The following NALF1 variants were observed in gnomAD, a reference collection of about 807,000 sequenced individuals.
The protein encoded by NALF1 is family with sequence similarity 155 member A.
A neutral mutation model predicts 48.4 loss-of-function variants in NALF1; 3 were observed. That is an observed-to-expected ratio of 0.06 (90% CI 0.03 to 0.16). The LOEUF (loss-of-function observed/expected upper bound fraction) is 0.16, where lower values mean the gene tolerates loss of function less well. Among genes scored for constraint, NALF1 ranks in the 10% least tolerant of loss-of-function variants. NALF1 has a pLI of 1.00. For synonymous variants in NALF1, 262 were observed against 245.7 expected, an observed-to-expected ratio of 1.07 and a Z score of -0.62; for missense variants, 526 against 571.5, an observed-to-expected ratio of 0.92 and a Z score of 0.81.
At chr13:107,567,954 A>G (rs1482260492) in intron 1 of NALF1, among the ~76,000 whole-genome samples, 1 of 151,968 alleles carries the variant, frequency 6.6e-6, no homozygotes, top group African/African-American at 2.4e-5. Flanking sequence ...TTGTATACCA[A>G]TGTTTTGTTC....
At chr13:107,842,530 T>C (rs1341606121) in intron 1 of NALF1, among the ~76,000 whole-genome samples, 1 of 147,084 alleles carries the variant, frequency 6.8e-6, no homozygotes, top group Non-Finnish European at 1.5e-5. Flanking sequence ...ATCTTTAGAG[T>C]TTTTTTTTTA....
rs564148932 is a variant in NALF1, at chr13:107,269,812, C to CT, written c.916-59058dup. 4.4e-3 allele frequency among the ~76,000 whole-genome samples: 568 copies of CT among 129,872 alleles called. 2 individuals are homozygous for CT. The highest frequency in any genetic ancestry group is 0.013 in the African/African-American group (447 of 35,170). 85.2% of individuals were successfully genotyped at this position (129,872 alleles called of 152,430 possible). A position where few individuals can be genotyped will look rare whatever the true frequency, so the allele number is the denominator to read the frequency against. On this transcript the variant is annotated intron_variant, in intron 1 of 2. Coordinates refer to ENST00000375915, the MANE Select transcript of NALF1 (RefSeq NM_001080396.3). Reference sequence around the variant, plus strand: ...TATTATATAAGGAAGAAATATGTTTCTTTTTTTTTTTTGCAAGCTCCGCCT... The same window carrying CT: ...TATTATATAAGGAAGAAATATGTTTCTTTTTTTTTTTTTGCAAGCTCCGCCT...
chr13:107,376,353 C>T (rs891889965), intron 1 of NALF1, among the ~76,000 whole-genome samples: 2 of 152,192 alleles, frequency 1.3e-5, no homozygotes, highest in African/African-American at 4.8e-5. Context: ...GAAGAATTTA[C>T]ACGTTTCCTC....
intron 1 of NALF1, among the ~76,000 whole-genome samples, chr13:107,834,362 A>G (rs570825179): frequency 2.0e-5 from 3 of 152,302 alleles, no homozygotes; most frequent in Non-Finnish European, 4.4e-5. Flanking sequence ...ATTACATTTG[A>G]GCCAGAGAGC....
intron 1 of NALF1, among the ~76,000 whole-genome samples, chr13:107,604,268 G>C (rs1430352471): frequency 2.0e-5 from 3 of 152,048 alleles, no homozygotes; most frequent in Non-Finnish European, 4.4e-5. Context: ...AGGGCTTAGG[G>C]GCTACATTTA....
intron 1 of NALF1, among the ~76,000 whole-genome samples, chr13:107,781,227 C>CA (rs1388135849): frequency 2.6e-5 from 4 of 151,852 alleles, no homozygotes; most frequent in South Asian, 4.2e-4. Context: ...GATGCCTCTG[C>CA]AAAAAAAGAA....
intron 1 of NALF1, among the ~76,000 whole-genome samples, chr13:107,548,761 C>T (rs1165574361): frequency 2.0e-5 from 3 of 152,070 alleles, no homozygotes; most frequent in Non-Finnish European, 4.4e-5. Context: ...TCCTTCTTGA[C>T]TATCTACTTG....
At chr13:107,215,543 C>A (rs1769699446) in intron 1 of NALF1, among the ~76,000 whole-genome samples, 1 of 152,226 alleles carries the variant, frequency 6.6e-6, no homozygotes, top group Non-Finnish European at 1.5e-5. Context: ...AACGGCACAG[C>A]CTCCGGAGAC....
At chr13:107,406,276 A>G (rs1248177824) in intron 1 of NALF1, among the ~76,000 whole-genome samples, 1 of 152,086 alleles carries the variant, frequency 6.6e-6, no homozygotes. Flanking sequence ...AAACTTTCCA[A>G]TCAAAAGACA....
chr13:107,552,845 T>G (rs1877336522), intron 1 of NALF1, among the ~76,000 whole-genome samples: 1 of 152,198 alleles, frequency 6.6e-6, no homozygotes, highest in Admixed American at 6.5e-5. Flanking sequence ...GTAAAAGATG[T>G]GTGCTTTACC....
chr13:107,224,564 G>A (rs1393416449), intron 1 of NALF1, among the ~76,000 whole-genome samples: 4 of 151,786 alleles, frequency 2.6e-5, no homozygotes, highest in East Asian at 1.9e-4. Context: ...TTTTATGTCC[G>A]TAGCAATGTC....
intron 1 of NALF1, among the ~76,000 whole-genome samples, chr13:107,368,319 A>AGT (rs1251714516): frequency 3.1e-5 from 3 of 96,506 alleles, no homozygotes; most frequent in Non-Finnish European, 4.7e-5. Context: ...TCACATAAAT[A>AGT]CTTTTTTTTT....
intron 1 of NALF1, among the ~76,000 whole-genome samples, chr13:107,255,169 T>G (rs1209706238): frequency 2.6e-5 from 4 of 152,138 alleles, no homozygotes; most frequent in Non-Finnish European, 4.4e-5. Context: ...GATAGACAGC[T>G]CTCTCATGGG....
intron 1 of NALF1, among the ~76,000 whole-genome samples, chr13:107,263,399 T>G (rs1169026291): frequency 1.3e-5 from 2 of 152,136 alleles, no homozygotes; most frequent in African/African-American, 2.4e-5. Context: ...TGACCACATA[T>G]TTTTATGGCC....
intron 1 of NALF1, among the ~76,000 whole-genome samples, chr13:107,308,631 T>G (rs1290793663): frequency 6.6e-6 from 1 of 152,192 alleles, no homozygotes; most frequent in Non-Finnish European, 1.5e-5. Flanking sequence ...TCTATGTTTC[T>G]AAAAATTAAT....
At chr13:107,296,960 T>G (rs1881738580) in intron 1 of NALF1, among the ~76,000 whole-genome samples, 1 of 152,010 alleles carries the variant, frequency 6.6e-6, no homozygotes, top group Non-Finnish European at 1.5e-5. Context: ...AGAAAAAAAT[T>G]TGAAAATTAA....
At chr13:107,724,536 A>ATCCC (rs1374304775) in intron 1 of NALF1, among the ~76,000 whole-genome samples, 20 of 151,632 alleles carry the variant, frequency 1.3e-4, no homozygotes, top group African/African-American at 2.4e-4. Context: ...CTCATATACC[A>ATCCC]TCCCTCCCTC....
intron 1 of NALF1, among the ~76,000 whole-genome samples, chr13:107,236,647 C>G (rs1880347888): frequency 6.6e-6 from 1 of 151,850 alleles, no homozygotes; most frequent in African/African-American, 2.4e-5. Flanking sequence ...TTAATTATGG[C>G]ACTATCTATC....
chr13:107,747,844 C>G (rs1421243398), intron 1 of NALF1, among the ~76,000 whole-genome samples: 1 of 152,154 alleles, frequency 6.6e-6, no homozygotes, highest in Non-Finnish European at 1.5e-5. Flanking sequence ...CATGCACATG[C>G]ACACGCACAA....
Sources: gnomAD v4.1 joint callset for allele counts (sites outside exome capture counted in the v4.1 genomes callset) on GRCh38, gnomAD v4.1.1 for gene constraint, MANE v1.5 for transcripts, NCBI Gene and HGNC (gene_info 2026-07-23, HGNC 2026-07-21) for gene names.